Variants in GRIK2 observed in about 807,000 individuals in gnomAD.
GRIK2 encodes the protein glutamate ionotropic receptor kainate type subunit 2.
A neutral mutation model predicts 100.3 loss-of-function variants in GRIK2; 32 were observed. The observed-to-expected ratio is 0.32, with a 90% CI of 0.24 to 0.43. The LOEUF is 0.43. Ranked by LOEUF, GRIK2 falls within the 20% of genes least tolerant of loss-of-function variation. The pLI is 1.00. For synonymous variants in GRIK2, 417 were observed against 389.4 expected, an observed-to-expected ratio of 1.07 and a Z score of -0.83; for missense variants, 843 against 1,114.9, an observed-to-expected ratio of 0.76 and a Z score of 3.47.
At chr6:101,750,114 AGT>A (rs1381059380) in intron 7 of GRIK2, among the ~76,000 whole-genome samples, 4 of 151,204 alleles carry the variant, frequency 2.6e-5, no homozygotes, top group Non-Finnish European at 4.4e-5. Context: ...TGCACCCAGC[AGT>A]GTGTGCCAGT....
At chr6:101,954,788 A>G (rs909270419) in intron 14 of GRIK2, among the ~76,000 whole-genome samples, 1 of 152,060 alleles carries the variant, frequency 6.6e-6, no homozygotes, top group Non-Finnish European at 1.5e-5. Context: ...TCTTGCTCCT[A>G]ATATCGGGGG....
chr6:101,505,513 C>G (rs1256760000), intron 2 of GRIK2, among the ~76,000 whole-genome samples: 1 of 152,026 alleles, frequency 6.6e-6, no homozygotes, highest in Non-Finnish European at 1.5e-5. Flanking sequence ...TCCTATTATA[C>G]CAGACATGGA....
chr6:101,512,078 A>G (rs960740667), intron 2 of GRIK2, among the ~76,000 whole-genome samples: 1 of 151,198 alleles, frequency 6.6e-6, no homozygotes, highest in African/African-American at 2.4e-5. Flanking sequence ...ATATATATAC[A>G]CACATACATG....
At chr6:102,051,306 TTC>T in intron 15 of GRIK2, among the ~76,000 whole-genome samples, 1 of 142,228 alleles carries the variant, frequency 7.0e-6, no homozygotes, top group Non-Finnish European at 1.5e-5. Flanking sequence ...CCTTCCTTCC[TTC>T]CTTCCACTCT....
intron 2 of GRIK2, among the ~76,000 whole-genome samples, chr6:101,591,771 A>T (rs946516129): frequency 6.6e-6 from 1 of 152,070 alleles, no homozygotes; most frequent in Non-Finnish European, 1.5e-5. Flanking sequence ...AGGTTTAGCT[A>T]AGAGTTTCTG....
At chr6:101,655,997 A>G (rs1782044252) in intron 4 of GRIK2, among the ~76,000 whole-genome samples, 1 of 152,052 alleles carries the variant, frequency 6.6e-6, no homozygotes, top group East Asian at 1.9e-4. Flanking sequence ...AAGATTTGAA[A>G]AGTGATAGAT....
At chr6:101,490,940 TAC>T (rs34649860) in intron 2 of GRIK2, among the ~76,000 whole-genome samples, 23,439 of 146,038 alleles carry the variant, frequency 0.16, 3,801 homozygotes, top group Middle Eastern at 0.23. Context: ...TGCGTGCACA[TAC>T]ACACACACCT....
chr6:101,742,293 G>T (rs984682214), intron 7 of GRIK2, among the ~76,000 whole-genome samples: 27 of 152,094 alleles, frequency 1.8e-4, no homozygotes, highest in Non-Finnish European at 2.8e-4. Flanking sequence ...GGAGGTGAGA[G>T]GACAGGTCTC....
intron 12 of GRIK2, chr6:101,891,466 G>A (rs187478148): frequency 2.9e-4 from 95 of 323,224 alleles, no homozygotes; most frequent in African/African-American, 1.6e-3. Flanking sequence ...GCAGTAAGCC[G>A]AGATCGTGCC....
At chr6:101,514,078 C>T (rs1371685968) in intron 2 of GRIK2, among the ~76,000 whole-genome samples, 1 of 151,900 alleles carries the variant, frequency 6.6e-6, no homozygotes, top group Non-Finnish European at 1.5e-5. Flanking sequence ...TGAGCACAGC[C>T]CTAAGTAGAG....
intron 7 of GRIK2, among the ~76,000 whole-genome samples, chr6:101,777,491 TC>T (rs1456508818): frequency 6.6e-6 from 1 of 152,220 alleles, no homozygotes; most frequent in African/African-American, 2.4e-5. Context: ...GTATTTTTTT[TC>T]CTGAAACTAT....
At chr6:101,613,032 TTTGA>T (rs1196188323) in intron 2 of GRIK2, among the ~76,000 whole-genome samples, 5 of 151,808 alleles carry the variant, frequency 3.3e-5, no homozygotes, top group Non-Finnish European at 7.4e-5. Flanking sequence ...TAAAAATGAC[TTTGA>T]TTGTAGTAGC....
At chr6:102,053,128 A>C (rs977887011) in intron 15 of GRIK2, among the ~76,000 whole-genome samples, 23 of 151,940 alleles carry the variant, frequency 1.5e-4, no homozygotes, top group Non-Finnish European at 2.6e-4. Flanking sequence ...ATACACACAC[A>C]AAGAAAAGAA....
chr6:101,985,314 C>G (rs1217565791), intron 14 of GRIK2, among the ~76,000 whole-genome samples: 1 of 151,740 alleles, frequency 6.6e-6, no homozygotes, highest in East Asian at 1.9e-4. Context: ...TTCTTTCTAA[C>G]TAGAACATTT....
intron 10 of GRIK2, among the ~76,000 whole-genome samples, chr6:101,839,085 C>A (rs934773543): frequency 1.3e-5 from 2 of 152,054 alleles, no homozygotes; most frequent in Non-Finnish European, 2.9e-5. Flanking sequence ...AGAATGCCTA[C>A]AACTTACCAG....
chr6:101,818,283 A>T lies in GRIK2; in HGVS notation c.1204-87A>T. 4.2e-6 allele frequency: 3 copies of T among 711,298 alleles called. No homozygotes were observed. In the South Asian group the frequency reaches 5.4e-5, roughly 13 times the overall value. 44.1% of individuals were successfully genotyped at this position (711,298 alleles called of 1,614,324 possible). ...AGACAATGCAGCAAAGGTGAATAAT[A>T]AGTGTTAGCAATCTTAACTTTCTTT... On this transcript the variant is annotated intron_variant, in intron 9 of 16. Coordinates refer to ENST00000369134, the MANE Select transcript of GRIK2 (RefSeq NM_021956.5).
intron 2 of GRIK2, among the ~76,000 whole-genome samples, chr6:101,439,413 GTAT>G (rs1350997225): frequency 6.6e-6 from 1 of 152,110 alleles, no homozygotes; most frequent in Admixed American, 6.6e-5. Flanking sequence ...CATTACACAA[GTAT>G]TATCTCAATT....
chr6:101,959,996 A>G (rs1209146521), intron 14 of GRIK2, among the ~76,000 whole-genome samples: 1 of 149,800 alleles, frequency 6.7e-6, no homozygotes, highest in East Asian at 2.0e-4. Flanking sequence ...CCTATAATTC[A>G]TAGGTTTGGT....
chr6:101,405,493 G>T (rs1393644151), intron 2 of GRIK2, among the ~76,000 whole-genome samples: 1 of 151,966 alleles, frequency 6.6e-6, no homozygotes, highest in African/African-American at 2.4e-5. Context: ...AAATTTGATT[G>T]TTGGTATTTT....
Sources: gnomAD v4.1 joint callset for allele counts (sites outside exome capture counted in the v4.1 genomes callset) on GRCh38, gnomAD v4.1.1 for gene constraint, MANE v1.5 for transcripts, NCBI Gene and HGNC (gene_info 2026-07-23, HGNC 2026-07-21) for gene names.